The following PAPPA variants were observed in gnomAD, a reference collection of about 807,000 sequenced individuals.
PAPPA encodes pappalysin 1.
In PAPPA, 60 loss-of-function variants were observed where a neutral mutation model predicts 164.0. The observed-to-expected ratio is 0.37, with a 90% CI of 0.30 to 0.45. The LOEUF (loss-of-function observed/expected upper bound fraction) is 0.45. PAPPA is among the 20% of genes least tolerant of loss of function. The pLI is 1.00. For synonymous variants in PAPPA, 875 were observed against 814.1 expected (o/e 1.07, Z -1.27); for missense variants, 1,782 against 2,087.3 (o/e 0.85, Z 2.85).
intron 5 of PAPPA, among the ~76,000 whole-genome samples, chr9:116,220,584 T>G (rs1472846917): frequency 2.6e-5 from 4 of 151,490 alleles, no homozygotes; most frequent in African/African-American, 9.7e-5. Context: ...AGTACATATT[T>G]ACATATAAGA....
In PAPPA at chr9:116,332,383, G is replaced by A. The variant is rs1846004564; in HGVS notation, c.3312G>A (p.Val1104=). Residue 1104 remains valine, a synonymous_variant, in exon 12 of 22, where the codon GTG becomes GTA. Coordinates refer to ENST00000328252, the MANE Select transcript of PAPPA (RefSeq NM_002581.5). ...CCGCAGCTGTCATTGTCCACCTGGTGACGGATGGGACATATTATGGGGACC... is the reference window on the plus strand; with the variant it reads ...CCGCAGCTGTCATTGTCCACCTGGTAACGGATGGGACATATTATGGGGACC... The part of the protein sequence containing the change: ...MVAAAVIVHL[V]TDGTYYGDQK... 8 of 1,614,018 alleles carry A rather than the reference G, an allele frequency of 5.0e-6. No homozygotes were observed. The highest frequency in any genetic ancestry group is 6.8e-6 in the Non-Finnish European group (8 of 1,179,890).
chr9:116,321,566 A>C (rs1400429720), intron 10 of PAPPA, among the ~76,000 whole-genome samples: 2 of 152,174 alleles, frequency 1.3e-5, no homozygotes, highest in Non-Finnish European at 2.9e-5. Context: ...TGTCCTGTGC[A>C]ATGGATGAGA....
chr9:116,281,546 G>A (rs145671194), intron 9 of PAPPA, among the ~76,000 whole-genome samples: 1 of 152,176 alleles, frequency 6.6e-6, no homozygotes, highest in African/African-American at 2.4e-5. Flanking sequence ...CCAAACAGAT[G>A]ACCTTCCAAA....
intron 6 of PAPPA, among the ~76,000 whole-genome samples, chr9:116,229,610 C>G (rs1314797763): frequency 6.6e-6 from 1 of 152,062 alleles, no homozygotes; most frequent in Admixed American, 6.5e-5. Context: ...AGATAATGGC[C>G]AGGTGAGGAC....
At chr9:116,230,011 G>C (rs1844569829) in intron 6 of PAPPA, among the ~76,000 whole-genome samples, 2 of 152,284 alleles carry the variant, frequency 1.3e-5, no homozygotes, top group East Asian at 1.9e-4. Flanking sequence ...GGTGAAGTTT[G>C]CTCCTAGTTT....
intron 10 of PAPPA, chr9:116,318,585 A>G (rs1845815572): frequency 1.3e-5 from 2 of 152,222 alleles, no homozygotes; most frequent in African/African-American, 4.8e-5. Flanking sequence ...CCACTCTTTT[A>G]ACCCCGTCAG....
Position 116,289,321 on chromosome 9 carries a change from T to A in PAPPA, c.2954-13436T>A, listed in dbSNP as rs1436445516. On this transcript the variant is annotated intron_variant, in intron 9 of 21. Coordinates refer to ENST00000328252, the MANE Select transcript of PAPPA (RefSeq NM_002581.5). The stretch of plus-strand genomic sequence containing the variant: ...ATATATAGCATATATATGGCATATA[T>A]ATGGCATATATATAGCATATATATG... Among the ~76,000 whole-genome samples, 887 of 139,616 alleles carry A rather than the reference T, an allele frequency of 6.4e-3. 51 individuals are homozygous for A. The highest frequency in any genetic ancestry group is 0.023 in the African/African-American group (832 of 36,454). The allele number at this position is 139,616 out of a possible 152,430, so 91.6% of individuals were successfully genotyped here. A position where few individuals can be genotyped will look rare whatever the true frequency, so the allele number is the denominator to read the frequency against.
intron 7 of PAPPA, among the ~76,000 whole-genome samples, chr9:116,261,848 C>T (rs956940755): frequency 2.0e-5 from 3 of 151,762 alleles, no homozygotes; most frequent in African/African-American, 4.8e-5. Flanking sequence ...ATGCCATTTG[C>T]GATATGTGTT....
At position 116,399,082 on chromosome 9, in the gene PAPPA, A is replaced by G; in HGVS notation, c.*2466A>G. ...ATGACATTACTAATGATGTGATTTC[A>G]GGAGCCACAGAAGAACCTTACCAGC... On this transcript the variant is annotated 3_prime_UTR_variant, in exon 22 of 22. Transcript: ENST00000328252. 1 of 168,532 alleles carries G rather than the reference A, an allele frequency of 5.9e-6. No individual in the cohort carries two copies. The highest frequency in any genetic ancestry group is 1.8e-4 in the East Asian group (1 of 5,714). The allele number at this position is 168,532 out of a possible 1,614,324, so 10.4% of individuals were successfully genotyped here.
rs79654602 is a variant in PAPPA at position 116,249,179 on chromosome 9, A to G, written c.2732+13542A>G. Among the ~76,000 whole-genome samples the G allele has an allele frequency of 9.7e-3, 1,477 of 152,320 alleles. 42 individuals carry two copies. The highest frequency in any genetic ancestry group is 0.067 in the Admixed American group (1,024 of 15,292). On this transcript the variant is annotated intron_variant, in intron 7 of 21. Coordinates refer to ENST00000328252, the MANE Select transcript of PAPPA (RefSeq NM_002581.5). ...GTGAAAGTAAACACATAAACAAGTG[A>G]TATCTAACAGTGCAAAAGCTATTAT...
rs766028386 is a variant in PAPPA, at chr9:116,235,160, C to T, written c.2255C>T (p.Pro752Leu). ...ATAGGTCATCCTGATGTTGAACAGC[C>T]CTGTAAGTCCAGTGTCCGCACCTGG... The part of the protein sequence containing the change: ...EAEGHPDVEQ[P>L]CKSSVRTWSP... Residue 752 changes from proline to leucine, a missense_variant, in exon 7 of 22, where the codon CCC becomes CTC. Physicochemically the swap from Pro to Leu is moderately conservative, Grantham distance 98. Coordinates refer to ENST00000328252, the MANE Select transcript of PAPPA (RefSeq NM_002581.5). 2 of 1,614,084 alleles carry T rather than the reference C, an allele frequency of 1.2e-6. No individual in the cohort carries two copies. The highest frequency in any genetic ancestry group is 1.1e-5 in the South Asian group (1 of 91,080).
intron 20 of PAPPA, among the ~76,000 whole-genome samples, chr9:116,381,398 A>G (rs575592164): frequency 4.2e-4 from 64 of 152,350 alleles, no homozygotes; most frequent in African/African-American, 1.5e-3. Context: ...GCCCATGTCC[A>G]TGAAGAGCTC....
chr9:116,168,509 A>G (rs2118985517), intron 1 of PAPPA, among the ~76,000 whole-genome samples: 1 of 152,330 alleles, frequency 6.6e-6, no homozygotes, highest in South Asian at 2.1e-4. Flanking sequence ...CATGAGAGTG[A>G]AAAAGTGCTC....
chr9:116,353,716 G>A lies in PAPPA; in HGVS notation c.4270G>A (p.Gly1424Arg). 1.2e-6 allele frequency: 2 copies of A among 1,614,040 alleles called. No individual in the cohort carries two copies. The highest frequency in any genetic ancestry group is 1.7e-6 in the Non-Finnish European group (2 of 1,179,960). Reference protein sequence around the residue: ...TCDPPPPKFHGLYQCTNGFQF... With the variant: ...TCDPPPPKFHRLYQCTNGFQF... ...TGACCCACCTCCACCAAAATTCCAT[G>A]GGCTCTACCAGTGTACTAATGGCTT... is the stretch of plus-strand genomic sequence containing the variant. The change falls in exon 17 of 22, where the codon GGG becomes AGG. Residue 1424 changes from glycine (G) to arginine (R), a missense_variant. By Grantham distance (125) the Gly-to-Arg change is moderately radical (BLOSUM62 -2). Coordinates refer to ENST00000328252, the MANE Select transcript of PAPPA (RefSeq NM_002581.5).
At chr9:116,283,905 GC>G (rs1319585038) in intron 9 of PAPPA, among the ~76,000 whole-genome samples, 4 of 152,170 alleles carry the variant, frequency 2.6e-5, no homozygotes, top group Admixed American at 1.3e-4. Context: ...TGATTGACCA[GC>G]CCCGAAGCAC....
At chr9:116,205,054 A>G (rs1844215984) in intron 2 of PAPPA, among the ~76,000 whole-genome samples, 1 of 150,222 alleles carries the variant, frequency 6.7e-6, no homozygotes, top group Non-Finnish European at 1.5e-5. Flanking sequence ...TTTCATCCAC[A>G]GAGCTGTGTT....
At chr9:116,260,004 A>T (rs996108253) in intron 7 of PAPPA, among the ~76,000 whole-genome samples, 11 of 152,248 alleles carry the variant, frequency 7.2e-5, no homozygotes, top group African/African-American at 2.4e-4. Flanking sequence ...AATACGCCAG[A>T]TCTACTTGTA....
chr9:116,293,818 G>A (rs1190124814), intron 9 of PAPPA, among the ~76,000 whole-genome samples: 1 of 152,104 alleles, frequency 6.6e-6, no homozygotes, highest in Admixed American at 6.5e-5. Flanking sequence ...TCGCCGGCTT[G>A]GTGGCGCATT....
intron 20 of PAPPA, among the ~76,000 whole-genome samples, chr9:116,380,352 A>C (rs1588028440): frequency 1.3e-5 from 2 of 152,184 alleles, no homozygotes; most frequent in East Asian, 3.9e-4. Flanking sequence ...ATATGGTTGC[A>C]GGAAAGAACA....
Sources: allele counts gnomAD v4.1 joint callset (sites outside exome capture counted in the v4.1 genomes callset), GRCh38; gene constraint gnomAD v4.1.1; transcripts MANE v1.5; gene names NCBI Gene and HGNC (gene_info 2026-07-23, HGNC 2026-07-21).